The following GPD2 variants were observed in gnomAD, a reference collection of about 807,000 sequenced individuals.
The protein encoded by GPD2 is glycerol-3-phosphate dehydrogenase 2.
GPD2 carries 54 observed loss-of-function variants against 82.4 expected under a neutral mutation model. That is an observed-to-expected ratio of 0.66 (90% confidence interval 0.53 to 0.82). The LOEUF (loss-of-function observed/expected upper bound fraction) is 0.82, where lower values mean the gene tolerates loss of function less well. Among genes scored for constraint, GPD2 ranks in the 40% least tolerant of loss-of-function variants. The pLI is 0.00. For synonymous variants in GPD2, 288 were observed against 306.1 expected (o/e 0.94, Z 0.62); for missense variants, 748 against 896.2 (o/e 0.83, Z 2.11).
intron 3 of GPD2, among the ~76,000 whole-genome samples, chr2:156,501,449 A>T (rs1684582161): frequency 6.6e-6 from 1 of 152,194 alleles, no homozygotes; most frequent in Non-Finnish European, 1.5e-5. Context: ...CAAGTGGCTT[A>T]ACCTTACAGA....
upstream of GPD2, among the ~76,000 whole-genome samples, chr2:156,434,902 A>T (rs1348642402): frequency 6.6e-6 from 1 of 152,024 alleles, no homozygotes; most frequent in Non-Finnish European, 1.5e-5. Flanking sequence ...GGCTCCAGTG[A>T]CTACACTTTT....
intron 13 of GPD2, among the ~76,000 whole-genome samples, chr2:156,576,063 A>G (rs1687811941): frequency 1.3e-5 from 2 of 152,272 alleles, no homozygotes; most frequent in Admixed American, 1.3e-4. Context: ...TACATTAGGT[A>G]GAAAAACAAT....
chr2:156,476,165 T>G lies in GPD2; in HGVS notation c.60T>G (p.Thr20=), dbSNP rs746398593. 3.1e-6 allele frequency: 5 copies of G among 1,610,302 alleles called. No homozygotes were observed. In the East Asian group the frequency reaches 1.1e-4, roughly 36 times the overall value. The part of the protein sequence containing the change: ...TILVGGGALA[T]VLGLSQFAHY... ...TTGTTGGAGGAGGTGCTCTTGCAACTGTTTTAGGACTTTCTCAGTTTGCTC... is the reference window on the plus strand; with the variant it reads ...TTGTTGGAGGAGGTGCTCTTGCAACGGTTTTAGGACTTTCTCAGTTTGCTC... Residue 20 remains threonine (T), a synonymous_variant, in exon 2 of 17, where the codon ACT becomes ACG. Transcript: ENST00000438166.
chr2:156,557,203 G>A (rs1444118299), intron 8 of GPD2, among the ~76,000 whole-genome samples, 186 bp from the exon 9 acceptor site: 1 of 152,124 alleles, frequency 6.6e-6, no homozygotes, highest in East Asian at 1.9e-4. Flanking sequence ...GTTTCATTCT[G>A]TTTTGTTATC....
At chr2:156,493,376 A>AC (rs1276197528) in intron 2 of GPD2, among the ~76,000 whole-genome samples, 1 of 152,166 alleles carries the variant, frequency 6.6e-6, no homozygotes, top group African/African-American at 2.4e-5. Context: ...TAGAAAAAAA[A>AC]CAAGATTTAC....
intron 3 of GPD2, among the ~76,000 whole-genome samples, chr2:156,502,932 T>TC (rs1044791336): frequency 1.3e-5 from 2 of 152,138 alleles, no homozygotes; most frequent in African/African-American, 4.8e-5. Context: ...TTGCTTCTTT[T>TC]CCCCCTTTTC....
chr2:156,400,513 T>C, the GPD2 span, among the ~76,000 whole-genome samples: 1 of 152,216 alleles, frequency 6.6e-6, no homozygotes, highest in Admixed American at 6.5e-5. Flanking sequence ...CCCTCCAGGA[T>C]CCCAGGCTCC....
intron 1 of GPD2, among the ~76,000 whole-genome samples, chr2:156,446,159 G>A (rs141033268): frequency 0.02 from 3,011 of 152,152 alleles, 93 homozygotes; most frequent in African/African-American, 0.067. Context: ...GCAGTGGGAC[G>A]ATCTCAGCTC....
chr2:156,545,593 G>A (rs1686499004), intron 6 of GPD2, among the ~76,000 whole-genome samples: 2 of 152,184 alleles, frequency 1.3e-5, no homozygotes, highest in African/African-American at 2.4e-5. Flanking sequence ...CTGGCAGGTA[G>A]ATATCAGATC....
At chr2:156,568,988 T>TTA in intron 10 of GPD2, 29 bp downstream of exon 10, 3 of 1,486,890 alleles carry the variant, frequency 2.0e-6, no homozygotes, top group Non-Finnish European at 2.7e-6. Flanking sequence ...TTATTTTCTT[T>TTA]TCTTTTTTTT....
chr2:156,562,970 T>C (rs1349293031), intron 9 of GPD2, among the ~76,000 whole-genome samples: 1 of 152,192 alleles, frequency 6.6e-6, no homozygotes, highest in Non-Finnish European at 1.5e-5. Flanking sequence ...GGTGAGCCAG[T>C]CTAGTAAGTG....
rs532297367 is a variant in GPD2 at position 156,468,464 on chromosome 2, G to A, written c.-8-7634G>A. On this transcript the variant is annotated intron_variant, in intron 1 of 16. Coordinates refer to ENST00000438166, the MANE Select transcript of GPD2 (RefSeq NM_000408.5). ...CACGACTCAAAATAGTTGAAGGAGTGGGTTTTGCATGCACAGCTACAGGAG... is the reference window on the plus strand; with the variant it reads ...CACGACTCAAAATAGTTGAAGGAGTAGGTTTTGCATGCACAGCTACAGGAG... 2.0e-5 allele frequency among the ~76,000 whole-genome samples: 3 copies of A among 152,298 alleles called. No individual in the cohort carries two copies. In the South Asian group the frequency reaches 6.2e-4, roughly 32 times the overall value.
chr2:156,503,220 A>C (rs1421976002), intron 3 of GPD2, among the ~76,000 whole-genome samples: 1 of 152,164 alleles, frequency 6.6e-6, no homozygotes, highest in Non-Finnish European at 1.5e-5. Flanking sequence ...CAGTCCCAGC[A>C]ATCAAATGCT....
intron 9 of GPD2, among the ~76,000 whole-genome samples, chr2:156,559,711 A>G (rs1259025672): frequency 6.6e-6 from 1 of 152,244 alleles, no homozygotes; most frequent in Non-Finnish European, 1.5e-5. Context: ...CAATAATAGT[A>G]TAAAAGATAC....
chr2:156,448,291 G>A (rs1323505864), intron 1 of GPD2, among the ~76,000 whole-genome samples: 1 of 152,070 alleles, frequency 6.6e-6, no homozygotes, highest in East Asian at 1.9e-4. Context: ...TGTATTTTTA[G>A]TAGAGACGGG....
the GPD2 span, among the ~76,000 whole-genome samples, chr2:156,403,730 G>A: frequency 0.018 from 2,733 of 152,140 alleles, 77 homozygotes; most frequent in African/African-American, 0.062. Flanking sequence ...TGAGATTTGT[G>A]TTAGGTTAAC....
chr2:156,558,587 A>G (rs1458677165), intron 9 of GPD2, among the ~76,000 whole-genome samples: 4 of 151,750 alleles, frequency 2.6e-5, no homozygotes, highest in African/African-American at 9.7e-5. Context: ...CATGAAACAT[A>G]AAGCTTTTTG....
At chr2:156,566,679 T>C (rs1168586835) in intron 9 of GPD2, among the ~76,000 whole-genome samples, 1 of 152,128 alleles carries the variant, frequency 6.6e-6, no homozygotes, top group East Asian at 1.9e-4. Flanking sequence ...AACAAGGTTG[T>C]AAAACTTTTC....
chr2:156,556,281 A>G (rs1315574169), intron 8 of GPD2, among the ~76,000 whole-genome samples: 3 of 152,196 alleles, frequency 2.0e-5, no homozygotes, highest in African/African-American at 7.2e-5. Context: ...AATAGAAGCT[A>G]AAAACATATT....
Sources: allele counts gnomAD v4.1 joint callset (sites outside exome capture counted in the v4.1 genomes callset), GRCh38; gene constraint gnomAD v4.1.1; transcripts MANE v1.5; gene names NCBI Gene and HGNC (gene_info 2026-07-23, HGNC 2026-07-21).